AMMECR1: variants seen among roughly 807,000 people sequenced by gnomAD.
AMMECR1 encodes nuclear protein AMMECR1.
AMMECR1 carries 3 observed loss-of-function variants against 22.5 expected under a neutral mutation model. The observed-to-expected ratio is 0.13, with a 90% confidence interval of 0.06 to 0.35. AMMECR1 has a LOEUF of 0.35. Among genes scored for constraint, AMMECR1 ranks in the 10% least tolerant of loss-of-function variants. AMMECR1 has a pLI of 1.00. For synonymous variants in AMMECR1, 130 were observed against 116.7 expected (o/e 1.11, Z -0.74); for missense variants, 235 against 278.7 (o/e 0.84, Z 1.12).
At chrX:110,301,087 T>C (rs1023528573) in intron 1 of AMMECR1, among the ~76,000 whole-genome samples, 2 of 111,858 alleles carry the variant, frequency 1.8e-5, no homozygotes, top group Non-Finnish European at 3.8e-5. Context: ...TTAAACAATA[T>C]AAAGTGGAAA....
intron 3 of AMMECR1, among the ~76,000 whole-genome samples, chrX:110,212,857 T>G (rs2067454334): frequency 8.9e-6 from 1 of 111,837 alleles, no homozygotes; most frequent in African/African-American, 3.2e-5. Flanking sequence ...ATATTCAGAT[T>G]TATTGATACA....
chrX:110,326,860 G>A (rs2068099825), intron 2 of AMMECR1, among the ~76,000 whole-genome samples: 1 of 111,695 alleles, frequency 9.0e-6, no homozygotes, highest in African/African-American at 3.3e-5. Flanking sequence ...GGACCTAGGT[G>A]GTGGCGGTTA....
intron 2 of AMMECR1, among the ~76,000 whole-genome samples, chrX:110,374,980 AG>A (rs2068366337): frequency 9.0e-6 from 1 of 111,406 alleles, no homozygotes; most frequent in East Asian, 2.8e-4. Flanking sequence ...GGCCAATGAA[AG>A]GCTAACTAAC....
chrX:110,423,344 AAAAG>A (rs1206984604), intron 2 of AMMECR1, among the ~76,000 whole-genome samples: 3 of 110,701 alleles, frequency 2.7e-5, no homozygotes, highest in Non-Finnish European at 3.8e-5. Context: ...AAAAAAAAGA[AAAAG>A]AAAAAGAAAG....
At chrX:110,426,521 T>C (rs2068755444) in intron 2 of AMMECR1, 1 of 112,412 alleles carries the variant, frequency 8.9e-6, no homozygotes, top group Admixed American at 9.4e-5. Flanking sequence ...AAGCTGCATT[T>C]GCTTTGTTGG....
chrX:110,296,150 T>C (rs1445948606), intron 1 of AMMECR1, among the ~76,000 whole-genome samples: 4 of 112,230 alleles, frequency 3.6e-5, no homozygotes, highest in Non-Finnish European at 7.5e-5. Flanking sequence ...CCTAATTATC[T>C]TGCCTTTATA....
At chrX:110,270,321 C>A (rs2067792064) in intron 1 of AMMECR1, among the ~76,000 whole-genome samples, 1 of 111,611 alleles carries the variant, frequency 9.0e-6, no homozygotes, top group African/African-American at 3.3e-5. Flanking sequence ...AGCTCATTCA[C>A]TGAAAGAGTC....
chrX:110,350,217 A>G (rs1478594735), intron 2 of AMMECR1, among the ~76,000 whole-genome samples: 1 of 112,170 alleles, frequency 8.9e-6, no homozygotes, highest in Non-Finnish European at 1.9e-5. Context: ...GTGCCATACC[A>G]GAAGAGAGAA....
At chrX:110,346,699 T>G (rs1295398772) in intron 2 of AMMECR1, 1 of 747,806 alleles carries the variant, frequency 1.3e-6, no homozygotes, top group East Asian at 3.2e-5. Flanking sequence ...AAAGATTCAT[T>G]GTACTACAAA....
At chrX:110,424,706 A>G (rs2068741833) in intron 2 of AMMECR1, among the ~76,000 whole-genome samples, 2 of 112,006 alleles carry the variant, frequency 1.8e-5, no homozygotes, top group South Asian at 7.5e-4. Flanking sequence ...TGTAATTATA[A>G]GTAGTATATC....
At chrX:110,429,719 T>A (rs764719513) in intron 1 of AMMECR1, among the ~76,000 whole-genome samples, 36 of 111,270 alleles carry the variant, frequency 3.2e-4, no homozygotes, top group Non-Finnish European at 5.1e-4. Flanking sequence ...TGACCTCAAG[T>A]GTTCCACCTG....
At chrX:110,272,607 T>C (rs1310221796) in intron 1 of AMMECR1, among the ~76,000 whole-genome samples, 2 of 112,074 alleles carry the variant, frequency 1.8e-5, no homozygotes, top group African/African-American at 3.2e-5. Context: ...GTGTACCCAT[T>C]AACCAAATAG....
chrX:110,260,126 TG>T (rs1384446172), intron 2 of AMMECR1, among the ~76,000 whole-genome samples: 19 of 111,822 alleles, frequency 1.7e-4, no homozygotes, highest in Admixed American at 1.4e-3. Context: ...CCAAATTCTA[TG>T]GATAGACTTT....
At chrX:110,204,641 C>T (rs2067413415) in intron 3 of AMMECR1, among the ~76,000 whole-genome samples, 1 of 111,373 alleles carries the variant, frequency 9.0e-6, no homozygotes, top group African/African-American at 3.3e-5. Context: ...ACACTTAAGT[C>T]CTTTCTTTAT....
intron 2 of AMMECR1, among the ~76,000 whole-genome samples, chrX:110,423,057 G>A (rs1007388215): frequency 8.9e-6 from 1 of 112,228 alleles, no homozygotes; most frequent in Non-Finnish European, 1.9e-5. Flanking sequence ...GCCGGGCGCG[G>A]TGTCTCATGC....
chrX:110,317,784 T>G lies in AMMECR1; in HGVS notation c.288A>C (p.Leu96=), dbSNP rs776505219. The G allele has an allele frequency of 4.3e-6, 5 of 1,171,124 alleles. No homozygotes were observed. In the East Asian group the frequency reaches 1.3e-4, roughly 30 times the overall value. The change falls in exon 1 of 6, where the codon CTA becomes CTC. Residue 96 remains leucine, a synonymous_variant. Coordinates refer to ENST00000262844, the MANE Select transcript of AMMECR1 (RefSeq NM_015365.3). ...AGGTGGCGGCGGCCGGGGTAGAAAG[T>G]AGGGTCCCCACTCCGCAGCTCGGAG... ...SPPPSCGVGT[L]LSTPAAATSS... is the part of the protein sequence containing the mutation.
chrX:110,312,989 C>T (rs369897530), intron 1 of AMMECR1, among the ~76,000 whole-genome samples: 1 of 112,226 alleles, frequency 8.9e-6, no homozygotes, highest in African/African-American at 3.2e-5. Context: ...CATCAGAAAA[C>T]ATATAACAGA....
chrX:110,282,482 T>C (rs182796046), intron 1 of AMMECR1, among the ~76,000 whole-genome samples: 119 of 110,596 alleles, frequency 1.1e-3, no homozygotes, highest in Admixed American at 1.0e-2. Context: ...CGCTATCCAT[T>C]AAAAAGTTCC....
chrX:110,424,688 AC>A (rs1459031125), intron 2 of AMMECR1, among the ~76,000 whole-genome samples: 4 of 111,959 alleles, frequency 3.6e-5, no homozygotes, highest in African/African-American at 1.3e-4. Context: ...CAGGCAAAAA[AC>A]CAAGCATGTA....
Sources: allele counts gnomAD v4.1 joint callset (sites outside exome capture counted in the v4.1 genomes callset), GRCh38; gene constraint gnomAD v4.1.1; transcripts MANE v1.5; gene names NCBI Gene and HGNC (gene_info 2026-07-23, HGNC 2026-07-21).